FNBP1L: variants seen among roughly 807,000 people sequenced by gnomAD.
The protein encoded by FNBP1L is formin-binding protein 1-like.
A neutral mutation model predicts 91.2 loss-of-function variants in FNBP1L; 36 were observed. The ratio of observed to expected loss-of-function variants is 0.39; its 90% CI spans 0.30 to 0.52. FNBP1L has a LOEUF of 0.52. FNBP1L is among the 20% of genes least tolerant of loss of function. The probability of loss-of-function intolerance (pLI) is 0.66; values close to 1 mark genes in which losing one functional copy is unlikely to be tolerated. For synonymous variants in FNBP1L, 242 were observed against 237.0 expected (o/e 1.02, Z -0.19); for missense variants, 571 against 732.1 (o/e 0.78, Z 2.54).
chr1:93,543,302 G>A (rs1401945953), intron 11 of FNBP1L, among the ~76,000 whole-genome samples: 1 of 152,098 alleles, frequency 6.6e-6, no homozygotes, highest in African/African-American at 2.4e-5. Flanking sequence ...AGATGTTTAC[G>A]TTTAAATACT....
chr1:93,545,847 A>G (rs1672204801), intron 12 of FNBP1L, among the ~76,000 whole-genome samples: 1 of 52,198 alleles, frequency 1.9e-5, no homozygotes, highest in South Asian at 2.3e-3. Context: ...ACATGGAGGA[A>G]GCTTAAAAAA....
chr1:93,552,539 A>G lies in FNBP1L; in HGVS notation c.*123A>G. On this transcript the variant is annotated 3_prime_UTR_variant, in exon 17 of 17. Coordinates refer to ENST00000271234, the MANE Select transcript of FNBP1L (RefSeq NM_001164473.3). The stretch of plus-strand genomic sequence containing the variant: ...AGAAGCAAGTTGCATGAGTGCATGC[A>G]GACATGATTTTTTTTTTACTAACTT... The G allele has an allele frequency of 1.0e-6, 1 of 995,780 alleles. No homozygotes were observed. The highest frequency in any genetic ancestry group is 1.4e-6 in the Non-Finnish European group (1 of 698,352). The allele number at this position is 995,780 out of a possible 1,614,324, so 61.7% of individuals were successfully genotyped here. A position where few individuals can be genotyped will look rare whatever the true frequency, so the allele number is the denominator to read the frequency against.
chr1:93,509,767 G>A (rs1343429233), intron 2 of FNBP1L, among the ~76,000 whole-genome samples: 2 of 152,340 alleles, frequency 1.3e-5, no homozygotes, highest in East Asian at 1.9e-4. Flanking sequence ...CCGTGCACGA[G>A]CCCTGCTTGG....
At chr1:93,486,309 A>G (rs1257175626) in intron 1 of FNBP1L, among the ~76,000 whole-genome samples, 1 of 152,246 alleles carries the variant, frequency 6.6e-6, no homozygotes, top group African/African-American at 2.4e-5. Flanking sequence ...ATTAAAAAAA[A>G]TCAGAATCAC....
chr1:93,514,083 A>C (rs1670972004), intron 2 of FNBP1L, among the ~76,000 whole-genome samples: 1 of 151,588 alleles, frequency 6.6e-6, no homozygotes, highest in Non-Finnish European at 1.5e-5. Flanking sequence ...CTCAGGATAC[A>C]AAATCAATGT....
chr1:93,523,394 A>G lies in FNBP1L; in HGVS notation c.245A>G (p.Tyr82Cys), dbSNP rs1671394558. 2 of 1,609,532 alleles carry G rather than the reference A, an allele frequency of 1.2e-6. No individual in the cohort carries two copies. The highest frequency in any genetic ancestry group is 1.7e-6 in the Non-Finnish European group (2 of 1,177,686). Residue 82 changes from tyrosine (Y) to cysteine (C), a missense_variant, in exon 4 of 17, where the codon TAT (tyrosine) becomes TGT (cysteine). Around this residue, in one of 5 missense-constraint regions of FNBP1L, gnomAD observed 220 missense variants for 313.6 expected, o/e 0.70. Coordinates refer to ENST00000271234, the MANE Select transcript of FNBP1L (RefSeq NM_001164473.3). ...FFNILNELND[Y>C]AGQREVVAEE... is the part of the protein sequence containing the mutation. ...AATATCCTTAATGAGTTAAATGACT[A>G]TGCAGGACAGCGAGAAGTTGTAGCA...
chr1:93,529,443 T>A (rs572914658), intron 5 of FNBP1L, among the ~76,000 whole-genome samples: 1 of 152,280 alleles, frequency 6.6e-6, no homozygotes, highest in African/African-American at 2.4e-5. Context: ...TTTTTCTCTC[T>A]TTTTAAAATT....
chr1:93,513,170 A>G (rs1203795075), intron 2 of FNBP1L, among the ~76,000 whole-genome samples: 1 of 152,204 alleles, frequency 6.6e-6, no homozygotes, highest in African/African-American at 2.4e-5. Context: ...AAAATCTAGA[A>G]GAAATGGATA....
At chr1:93,540,258 A>T (rs1405863436) in intron 10 of FNBP1L, among the ~76,000 whole-genome samples, 1 of 151,930 alleles carries the variant, frequency 6.6e-6, no homozygotes, top group African/African-American at 2.4e-5. Flanking sequence ...TCTCTTCAGA[A>T]TCTGTGTCAT....
intron 1 of FNBP1L, among the ~76,000 whole-genome samples, chr1:93,477,624 A>G (rs1445206423): frequency 6.6e-6 from 1 of 152,240 alleles, no homozygotes. Context: ...ACTGCTTCTC[A>G]GAAAATGAAG....
At chr1:93,547,270 C>CA (rs1221288134) in intron 13 of FNBP1L, 77 bp from the exon 14 acceptor site, 2 of 1,192,512 alleles carry the variant, frequency 1.7e-6, no homozygotes, top group Non-Finnish European at 2.4e-6. Flanking sequence ...AACTTAAACA[C>CA]ATTTTAAATG....
chr1:93,544,784 G>A (rs1172137870), intron 12 of FNBP1L, among the ~76,000 whole-genome samples: 1 of 152,138 alleles, frequency 6.6e-6, no homozygotes, highest in Non-Finnish European at 1.5e-5. Flanking sequence ...GGCTTAAATT[G>A]TAGCATGAGA....
At chr1:93,492,434 G>A (rs935166015) in intron 1 of FNBP1L, among the ~76,000 whole-genome samples, 4 of 152,138 alleles carry the variant, frequency 2.6e-5, no homozygotes, top group Non-Finnish European at 5.9e-5. Context: ...AAGGAGAAAA[G>A]AGCTTAGAAC....
At chr1:93,524,038 A>G (rs1041703646) in intron 4 of FNBP1L, among the ~76,000 whole-genome samples, 1 of 152,170 alleles carries the variant, frequency 6.6e-6, no homozygotes, top group East Asian at 1.9e-4. Flanking sequence ...TTTCAAGGTT[A>G]TATGTAAAGT....
intron 10 of FNBP1L, among the ~76,000 whole-genome samples, chr1:93,537,792 G>C (rs931150693): frequency 2.0e-5 from 3 of 152,130 alleles, no homozygotes; most frequent in Non-Finnish European, 4.4e-5. Context: ...TCTATTGCCT[G>C]AGTTACAAGG....
At chr1:93,452,655 G>A (rs898306575) in intron 1 of FNBP1L, among the ~76,000 whole-genome samples, 5 of 152,160 alleles carry the variant, frequency 3.3e-5, no homozygotes, top group Non-Finnish European at 4.4e-5. Flanking sequence ...CTTGAACTCT[G>A]TGCTCCACAA....
At chr1:93,461,372 A>G (rs1668854221) in intron 1 of FNBP1L, among the ~76,000 whole-genome samples, 1 of 152,086 alleles carries the variant, frequency 6.6e-6, no homozygotes, top group Admixed American at 6.5e-5. Context: ...TTTCTTAATC[A>G]GGTGCTTAAA....
chr1:93,464,723 A>G (rs1669015766), intron 1 of FNBP1L, among the ~76,000 whole-genome samples: 1 of 152,202 alleles, frequency 6.6e-6, no homozygotes. Context: ...TTATTAAATT[A>G]TTACCTAATA....
intron 10 of FNBP1L, 120 bp from the exon 11 acceptor site, chr1:93,540,922 T>C (rs2101768072): frequency 1.3e-6 from 1 of 781,768 alleles, no homozygotes. Flanking sequence ...ATTGTTTGGA[T>C]TGTGAAATGT....
Sources: allele counts gnomAD v4.1 joint callset (sites outside exome capture counted in the v4.1 genomes callset), GRCh38; gene constraint gnomAD v4.1.1; regional missense constraint gnomAD v4.1.1; transcripts MANE v1.5; gene names NCBI Gene and HGNC (gene_info 2026-07-23, HGNC 2026-07-21).